CDH13: variants seen among roughly 807,000 people sequenced by gnomAD.
The protein encoded by CDH13 is cadherin 13.
A neutral mutation model predicts 63.8 loss-of-function variants in CDH13; 24 were observed. That is an observed-to-expected ratio of 0.38 (90% CI 0.27 to 0.53). CDH13 has a LOEUF of 0.53. Among genes scored for constraint, CDH13 ranks in the 20% least tolerant of loss-of-function variants. The pLI, the probability that CDH13 is intolerant of heterozygous loss-of-function variation, is 0.85. For synonymous variants in CDH13, 503 were observed against 355.3 expected (o/e 1.42, Z -4.67); for missense variants, 1,049 against 903.1 (o/e 1.16, Z -2.07).
intron 7 of CDH13, among the ~76,000 whole-genome samples, chr16:83,570,971 A>AT (rs57205262): frequency 0.23 from 25,688 of 109,762 alleles, 3,625 homozygotes; most frequent in East Asian, 0.3. Context: ...ATATATATAT[A>AT]AAAACCTTCT....
rs568436413 is a variant in CDH13 at position 83,222,486 on chromosome 16, A to G, written c.636+4989A>G. Among the ~76,000 whole-genome samples the G allele has an allele frequency of 3.0e-4, 46 of 152,288 alleles. No homozygotes were observed. The South Asian group carries it at 9.3e-3, about 31-fold the overall frequency. On this transcript the variant is annotated intron_variant, in intron 5 of 13. Coordinates refer to ENST00000567109, the MANE Select transcript of CDH13 (RefSeq NM_001257.5). ...ACGATTGGGAGATATAGATGTACCC[A>G]TATTAGAGAGTTATTTAAGTGATTA...
intron 6 of CDH13, among the ~76,000 whole-genome samples, chr16:83,429,511 G>GACAC (rs71148834): frequency 7.4e-4 from 110 of 149,094 alleles, no homozygotes; most frequent in Middle Eastern, 3.5e-3. Context: ...AGACAATGAA[G>GACAC]ACACACACAC....
chr16:83,167,238 T>C (rs2037717945), intron 4 of CDH13, among the ~76,000 whole-genome samples: 1 of 150,916 alleles, frequency 6.6e-6, no homozygotes, highest in African/African-American at 2.4e-5. Flanking sequence ...GGCTCACGCC[T>C]GTAATCCCAG....
At chr16:82,803,191 C>G (rs1341675913) in intron 1 of CDH13, among the ~76,000 whole-genome samples, 1 of 152,184 alleles carries the variant, frequency 6.6e-6, no homozygotes, top group African/African-American at 2.4e-5. Flanking sequence ...AGCTTACCTA[C>G]CATGTCTTTG....
chr16:83,203,808 T>C (rs1391571657), intron 4 of CDH13, among the ~76,000 whole-genome samples: 1 of 152,060 alleles, frequency 6.6e-6, no homozygotes, highest in East Asian at 1.9e-4. Context: ...GGAAGTGAAG[T>C]TTGGCAAGTT....
At chr16:83,350,699 A>G (rs543499300) in intron 6 of CDH13, among the ~76,000 whole-genome samples, 2 of 152,310 alleles carry the variant, frequency 1.3e-5, no homozygotes, top group East Asian at 3.9e-4. Context: ...ATAGCATCCA[A>G]TAAATCAGAA....
At chr16:82,660,775 G>A (rs989689182) in intron 1 of CDH13, among the ~76,000 whole-genome samples, 1 of 152,066 alleles carries the variant, frequency 6.6e-6, no homozygotes, top group Non-Finnish European at 1.5e-5. Flanking sequence ...CATGGCGGGT[G>A]GTTTTCTTTC....
intron 2 of CDH13, among the ~76,000 whole-genome samples, chr16:82,994,918 G>A (rs1212498648): frequency 6.6e-6 from 1 of 152,138 alleles, no homozygotes; most frequent in East Asian, 1.9e-4. Context: ...ACATGACCTC[G>A]GGCAAGTTTC....
At position 83,243,205 on chromosome 16, in the gene CDH13, A is replaced by G. The variant is rs1027190036; in HGVS notation, c.636+25708A>G. ...AGGAGCTTCTCTCATCTATGGCTGT[A>G]CTAGTCTGTTTCACGCTGCTGATAA... On this transcript the variant is annotated intron_variant, in intron 5 of 13. Coordinates refer to ENST00000567109, the MANE Select transcript of CDH13 (RefSeq NM_001257.5). 5.3e-5 allele frequency among the ~76,000 whole-genome samples: 8 copies of G among 152,138 alleles called. No individual in the cohort carries two copies. In the East Asian group the frequency reaches 1.5e-3, roughly 29 times the overall value.
At chr16:83,351,383 C>T (rs1265887795) in intron 6 of CDH13, among the ~76,000 whole-genome samples, 1 of 151,720 alleles carries the variant, frequency 6.6e-6, no homozygotes, top group African/African-American at 2.4e-5. Flanking sequence ...TCCAGTGCCA[C>T]CATCCAGAGA....
At chr16:83,692,048 T>C (rs1269080790) in intron 10 of CDH13, among the ~76,000 whole-genome samples, 1 of 152,116 alleles carries the variant, frequency 6.6e-6, no homozygotes, top group Non-Finnish European at 1.5e-5. Flanking sequence ...ACTCAGGAAA[T>C]GTGACTCAAT....
At chr16:83,110,819 C>T (rs2151620489) in intron 3 of CDH13, among the ~76,000 whole-genome samples, 1 of 152,100 alleles carries the variant, frequency 6.6e-6, no homozygotes, top group Admixed American at 6.5e-5. Flanking sequence ...CTTCACAGTG[C>T]ATACCCCAAA....
chr16:83,120,968 T>G (rs1030098324), intron 3 of CDH13, among the ~76,000 whole-genome samples: 1 of 152,090 alleles, frequency 6.6e-6, no homozygotes, highest in Non-Finnish European at 1.5e-5. Flanking sequence ...TTCACCTTGT[T>G]GGTCAGCCTG....
chr16:82,724,663 A>C (rs934203044), intron 1 of CDH13, among the ~76,000 whole-genome samples: 1 of 152,228 alleles, frequency 6.6e-6, no homozygotes, highest in Non-Finnish European at 1.5e-5. Context: ...TGGATAGTCA[A>C]AAGAGACTGT....
At chr16:83,756,147 G>A in intron 11 of CDH13, among the ~76,000 whole-genome samples, 1 of 151,862 alleles carries the variant, frequency 6.6e-6, no homozygotes, top group East Asian at 1.9e-4. Flanking sequence ...ATTAATAGAA[G>A]GAAATAGGTT....
Position 83,453,573 on chromosome 16 carries a change from C to T in CDH13, c.782-32904C>T, listed in dbSNP as rs145106103. ...TATCACAATGTTGATGGGTGTCCTA[C>T]AATACGAAGTGGACGGAGTCAGGGC... On this transcript the variant is annotated intron_variant, in intron 6 of 13. Coordinates refer to ENST00000567109, the MANE Select transcript of CDH13 (RefSeq NM_001257.5). Among the ~76,000 whole-genome samples the T allele has an allele frequency of 1.4e-4, 22 of 152,170 alleles. No individual in the cohort carries two copies. In the East Asian group the frequency reaches 3.7e-3, roughly 25 times the overall value.
intron 3 of CDH13, among the ~76,000 whole-genome samples, chr16:83,104,818 G>C (rs577104494): frequency 6.6e-6 from 1 of 152,188 alleles, no homozygotes; most frequent in African/African-American, 2.4e-5. Flanking sequence ...TGAAGCTAAC[G>C]AACAAAAACA....
intron 1 of CDH13, among the ~76,000 whole-genome samples, chr16:82,637,428 C>CTTTTTTTTTTTTTTTTTTT (rs573088098): frequency 1.2e-5 from 1 of 81,654 alleles, no homozygotes; most frequent in African/African-American, 5.2e-5. Context: ...GTTACTGTGC[C>CTTTTTTTTTTTTTTTTTTT]TTTTTTTTTT....
chr16:83,092,237 G>A (rs2033949146), intron 3 of CDH13, among the ~76,000 whole-genome samples: 1 of 152,178 alleles, frequency 6.6e-6, no homozygotes, highest in Non-Finnish European at 1.5e-5. Context: ...AGAGAGCAGG[G>A]ACTACAACCT....
Sources: allele counts gnomAD v4.1 joint callset (sites outside exome capture counted in the v4.1 genomes callset), GRCh38; gene constraint gnomAD v4.1.1; transcripts MANE v1.5; gene names NCBI Gene and HGNC (gene_info 2026-07-23, HGNC 2026-07-21).